Variants in RNF150 observed in about 807,000 individuals in gnomAD.
RNF150 encodes the protein ring finger protein 150.
In RNF150, 24 loss-of-function variants were observed where a neutral mutation model predicts 39.3. The observed-to-expected ratio is 0.61, with a 90% CI of 0.44 to 0.86. The LOEUF is 0.86. Among genes scored for constraint, RNF150 ranks in the 40% least tolerant of loss-of-function variants. RNF150 has a pLI of 0.00. For synonymous variants in RNF150, 255 were observed against 227.3 expected, an observed-to-expected ratio of 1.12 and a Z score of -1.10; for missense variants, 502 against 587.8, an observed-to-expected ratio of 0.85 and a Z score of 1.51.
chr4:140,963,476 A>G (rs1733120050), intron 2 of RNF150, among the ~76,000 whole-genome samples: 1 of 152,122 alleles, frequency 6.6e-6, no homozygotes, highest in African/African-American at 2.4e-5. Flanking sequence ...AGTTTATTTT[A>G]TTACAATTAA....
intron 6 of RNF150, among the ~76,000 whole-genome samples, chr4:140,889,373 G>A (rs1198961178): frequency 6.6e-6 from 1 of 152,140 alleles, no homozygotes; most frequent in East Asian, 1.9e-4. Context: ...GGAAGATTTT[G>A]TTGAATTCTG....
rs556435879 is a variant in RNF150, at chr4:141,015,440, T to C, written c.485-47567A>G. ...TTTTCTTCAATTTATTTCATCAGTG[T>C]TTTATAGCTTTCAGAAAACAAGTAT... On this transcript the variant is annotated intron_variant, in intron 1 of 6. Coordinates refer to ENST00000515673, the MANE Select transcript of RNF150 (RefSeq NM_020724.2). 3.3e-5 allele frequency among the ~76,000 whole-genome samples: 5 copies of C among 152,342 alleles called. No individual in the cohort carries two copies. In the South Asian group the frequency reaches 1.0e-3, roughly 32 times the overall value.
chr4:140,933,333 A>T (rs1369807702), intron 4 of RNF150, among the ~76,000 whole-genome samples: 5 of 152,198 alleles, frequency 3.3e-5, no homozygotes, highest in Admixed American at 3.3e-4. Context: ...ATAACTCAAC[A>T]TATAGAAGAA....
At chr4:140,982,963 G>A (rs750427930) in intron 1 of RNF150, among the ~76,000 whole-genome samples, 62 of 152,136 alleles carry the variant, frequency 4.1e-4, no homozygotes, top group Non-Finnish European at 7.4e-4. Flanking sequence ...TTTCATCAGC[G>A]ATGACCTTGT....
At position 140,970,351 on chromosome 4, in the gene RNF150, CT is replaced by C. The variant is rs143041024; in HGVS notation, c.485-2479del. Among the ~76,000 whole-genome samples, 340 of 152,228 alleles carry C rather than the reference CT, an allele frequency of 2.2e-3. 1 individual carries two copies. Among genetic ancestry groups the C allele is most frequent in the African/African-American group, 8.0e-3 (332 of 41,548 alleles). The stretch of plus-strand genomic sequence containing the variant: ...CAGATATATTTGGGTCAATTTTGCA[CT>C]TTTTGCTCTTGTTGTGAGGTTGACC... On this transcript the variant is annotated intron_variant, in intron 1 of 6. Coordinates refer to ENST00000515673, the MANE Select transcript of RNF150 (RefSeq NM_020724.2).
intron 1 of RNF150, among the ~76,000 whole-genome samples, chr4:141,208,124 T>C (rs1267654601): frequency 6.6e-6 from 1 of 152,232 alleles, no homozygotes; most frequent in Non-Finnish European, 1.5e-5. Context: ...TAAAATTTCA[T>C]GTCTGCAGTA....
intron 1 of RNF150, among the ~76,000 whole-genome samples, chr4:141,190,364 A>T (rs1447554537): frequency 6.6e-6 from 1 of 152,192 alleles, no homozygotes; most frequent in Non-Finnish European, 1.5e-5. Flanking sequence ...GAGCCCTAAG[A>T]GAGAGAGTCT....
chr4:141,132,412 G>A lies in RNF150; in HGVS notation c.397C>T (p.Arg133Trp), dbSNP rs1305038619. 4 of 1,609,102 alleles carry A rather than the reference G, an allele frequency of 2.5e-6. No homozygotes were observed. The highest frequency in any genetic ancestry group is 1.7e-5 in the Admixed American group (1 of 59,298). ...GAGGCGTTCTGCAGGAACGCGTTCC[G>A]GATCTTATCCCTGTACGTGCAGTTG... ...KGNCTYRDKI[R>W]NAFLQNASAV... is the part of the protein sequence containing the mutation. The change falls in exon 1 of 7, where the codon CGG becomes TGG. Residue 133 changes from arginine to tryptophan, a missense_variant. Physicochemically the swap from Arg to Trp is moderately radical, Grantham distance 101. Coordinates refer to ENST00000515673, the MANE Select transcript of RNF150 (RefSeq NM_020724.2). This position sits in a 1 kb window ranked among gnomAD's most constrained non-coding sequence, Gnocchi z 4.9.
At chr4:141,142,092 T>G (rs1727126239) in intron 1 of RNF150, among the ~76,000 whole-genome samples, 1 of 152,136 alleles carries the variant, frequency 6.6e-6, no homozygotes, top group Non-Finnish European at 1.5e-5. Flanking sequence ...TTTGAACGTT[T>G]TATACCTTCC....
chr4:140,917,032 C>T (rs11100684), intron 5 of RNF150, among the ~76,000 whole-genome samples: 83,512 of 151,944 alleles, frequency 0.55, 23,441 homozygotes, highest in East Asian at 0.89. Flanking sequence ...TAAAAGAGCT[C>T]CTGAAGGAAG....
chr4:140,974,718 T>G (rs984348457), intron 1 of RNF150, among the ~76,000 whole-genome samples: 2 of 152,338 alleles, frequency 1.3e-5, no homozygotes, highest in East Asian at 3.9e-4. Context: ...GGTATTGCAT[T>G]GTGTCTTTAC....
At chr4:141,042,899 T>C (rs1411497628) in intron 1 of RNF150, among the ~76,000 whole-genome samples, 1 of 152,100 alleles carries the variant, frequency 6.6e-6, no homozygotes, top group African/African-American at 2.4e-5. Flanking sequence ...GTCTTCGGCA[T>C]ACTATTTTAG....
intron 5 of RNF150, among the ~76,000 whole-genome samples, chr4:140,925,394 A>C (rs556674016): frequency 1.3e-5 from 2 of 152,294 alleles, no homozygotes; most frequent in East Asian, 3.9e-4. Context: ...TGGGGGAGTC[A>C]ACTGGGGGAA....
Position 140,999,937 on chromosome 4 carries a change from CA to C in RNF150, c.485-32065del, listed in dbSNP as rs35155778. On this transcript the variant is annotated intron_variant, in intron 1 of 6. Transcript: ENST00000515673. ...TGGGTAACAGAGTGAGACTTGGTCT[CA>C]AAAAAAGAAGAAGAAGAAGAAGAAG... 5.2e-3 allele frequency among the ~76,000 whole-genome samples: 160 copies of C among 30,826 alleles called. 7 individuals carry two copies. The highest frequency in any genetic ancestry group is 9.2e-3 in the Non-Finnish European group (119 of 12,952). The allele number at this position is 30,826 out of a possible 152,430, so 20.2% of individuals were successfully genotyped here.
At chr4:140,963,845 TA>T (rs1379726499) in intron 2 of RNF150, among the ~76,000 whole-genome samples, 3 of 151,952 alleles carry the variant, frequency 2.0e-5, no homozygotes, top group Admixed American at 1.3e-4. Context: ...CATTCTTGAT[TA>T]AAAAATTCTT....
chr4:141,150,061 C>G (rs1260527461), intron 1 of RNF150, among the ~76,000 whole-genome samples: 1 of 152,120 alleles, frequency 6.6e-6, no homozygotes, highest in Non-Finnish European at 1.5e-5. Flanking sequence ...GATAAATTAT[C>G]ACTGAAGAGG....
intron 6 of RNF150, among the ~76,000 whole-genome samples, chr4:140,904,270 T>C (rs911962289): frequency 3.3e-5 from 5 of 152,220 alleles, no homozygotes; most frequent in African/African-American, 1.2e-4. Context: ...CTTTGTTTTA[T>C]ACAGAAGTAG....
At chr4:141,005,549 T>C (rs1734832184) in intron 1 of RNF150, among the ~76,000 whole-genome samples, 1 of 152,120 alleles carries the variant, frequency 6.6e-6, no homozygotes, top group African/African-American at 2.4e-5. Flanking sequence ...ACCAGAACTG[T>C]AGGATAAGTA....
At chr4:140,874,390 T>C (rs1288366189) in intron 6 of RNF150, among the ~76,000 whole-genome samples, 1 of 152,224 alleles carries the variant, frequency 6.6e-6, no homozygotes, top group African/African-American at 2.4e-5. Context: ...ATTATCAATG[T>C]TCCCATGTCA....
Sources: allele counts gnomAD v4.1 joint callset (sites outside exome capture counted in the v4.1 genomes callset), GRCh38; gene constraint gnomAD v4.1.1; non-coding constraint Gnocchi (gnomAD v3.1); transcripts MANE v1.5; gene names NCBI Gene and HGNC (gene_info 2026-07-23, HGNC 2026-07-21).